The following ITGB2 variants were observed in gnomAD, a reference collection of about 807,000 sequenced individuals.
ITGB2 encodes the protein integrin subunit beta 2.
ITGB2 carries 56 observed loss-of-function variants against 86.8 expected under a neutral mutation model. The ratio of observed to expected loss-of-function variants is 0.65; its 90% CI spans 0.52 to 0.81. The LOEUF is 0.81. Ranked by LOEUF, ITGB2 falls within the 30% of genes least tolerant of loss-of-function variation. ITGB2 has a pLI of 0.00. For synonymous variants in ITGB2, 457 were observed against 450.4 expected (o/e 1.01, Z -0.19); for missense variants, 948 against 1,061.2 (o/e 0.89, Z 1.48).
chr21:44,899,296 A>AGGCTGCCACGCAGGAGTGCAGGGCAGAG (rs2083913172), intron 7 of ITGB2, 134 bp from the exon 8 acceptor site: 4 of 718,624 alleles, frequency 5.6e-6, no homozygotes, highest in Non-Finnish European at 9.9e-6. Context: ...GGAGAGGCAG[A>AGGCTGCCACGCAGGAGTGCAGGGCAGAG]GGCTGCCACG....
In ITGB2 at chr21:44,890,173, G is replaced by C. The variant is rs766548458; in HGVS notation, c.1462C>G (p.Arg488Gly). The C allele has an allele frequency of 3.1e-6, 5 of 1,613,266 alleles. No homozygotes were observed. Among genetic ancestry groups the C allele is most frequent in the East Asian group, 2.2e-5 (1 of 44,862 alleles). Residue 488 changes from arginine (R) to glycine (G), a missense_variant, in exon 12 of 16, where the codon CGG becomes GGG. Physicochemically the swap from Arg to Gly is moderately radical, Grantham distance 125. Coordinates refer to ENST00000652462, the MANE Select transcript of ITGB2 (RefSeq NM_000211.5). ...GKNCECQTQG[R>G]SSQELEGSCR... Reference sequence around the variant, plus strand: ...CTTCCTTCCAGCTCCTGGCTGCTCCGGCCCTGTGTCTGGCACTCACAGTTT... The same window carrying C: ...CTTCCTTCCAGCTCCTGGCTGCTCCCGCCCTGTGTCTGGCACTCACAGTTT...
chr21:44,927,477 C>T (rs769282152), intron 1 of ITGB2: 5 of 152,220 alleles, frequency 3.3e-5, no homozygotes, highest in Admixed American at 2.0e-4. Context: ...ACCCGGGAAC[C>T]GCTGCTCCCT....
chr21:44,900,549 G>A (rs1164538769), intron 6 of ITGB2, 74 bp from the exon 7 acceptor site: 33 of 1,576,484 alleles, frequency 2.1e-5, no homozygotes, highest in East Asian at 6.8e-5. Context: ...CAGAGGAGAC[G>A]ATGCAGAGCT....
chr21:44,926,227 G>C (rs2084371945), intron 1 of ITGB2, among the ~76,000 whole-genome samples: 1 of 152,172 alleles, frequency 6.6e-6, no homozygotes, highest in Admixed American at 6.5e-5. Flanking sequence ...TGCTATGGGG[G>C]GACCCAGACC....
At position 44,901,473 on chromosome 21, in the gene ITGB2, G is replaced by A. The variant is rs73374602; in HGVS notation, c.741+19C>T. 1.1e-3 allele frequency: 1,755 copies of A among 1,612,868 alleles called. 20 individuals are homozygous for A. The African/African-American group carries it at 0.02, about 18-fold the overall frequency. On this transcript the variant is annotated intron_variant, in intron 6 of 15. Coordinates refer to ENST00000652462, the MANE Select transcript of ITGB2 (RefSeq NM_000211.5). Reference sequence around the variant, plus strand: ...ACACTGGGGGAACGTGGGGACCCAAGCAGGGGCAGCGGCCTCACCGGGCAG... The same window carrying A: ...ACACTGGGGGAACGTGGGGACCCAAACAGGGGCAGCGGCCTCACCGGGCAG...
chr21:44,906,351 C>T (rs937253947), intron 4 of ITGB2, among the ~76,000 whole-genome samples: 23 of 152,082 alleles, frequency 1.5e-4, no homozygotes, highest in Admixed American at 1.3e-3. Context: ...GAACCCCCGA[C>T]CTCAAGTGAT....
chr21:44,921,441 G>C (rs1341252563), upstream of ITGB2: 1 of 152,984 alleles, frequency 6.5e-6, no homozygotes, highest in African/African-American at 2.4e-5. Context: ...GTCACAGGAG[G>C]AAGGCTGCGG....
chr21:44,919,448 T>C (rs1351441710), intron 1 of ITGB2, among the ~76,000 whole-genome samples: 3 of 152,130 alleles, frequency 2.0e-5, no homozygotes, highest in East Asian at 1.9e-4. Context: ...CTTGGTAAAG[T>C]GCTGGCCCCC....
intron 1 of ITGB2, among the ~76,000 whole-genome samples, chr21:44,915,290 C>T (rs2084191897): frequency 6.6e-6 from 1 of 152,176 alleles, no homozygotes; most frequent in Non-Finnish European, 1.5e-5. Context: ...TCCCAAAGTG[C>T]TGGGATTACA....
intron 14 of ITGB2, among the ~76,000 whole-genome samples, chr21:44,887,565 C>T (rs896166596): frequency 7.2e-5 from 11 of 151,998 alleles, no homozygotes; most frequent in African/African-American, 1.9e-4. Flanking sequence ...TGTGGTTGCT[C>T]CTGCCATCCT....
rs2235133 is a variant in ITGB2 at position 44,901,257 on chromosome 21, C to T, written c.741+235G>A. Among the ~76,000 whole-genome samples the T allele has an allele frequency of 0.62, 94,905 of 152,140 alleles. 31,321 individuals carry two copies. Among genetic ancestry groups the T allele is most frequent in the African/African-American group, 0.85 (35,318 of 41,538 alleles). On this transcript the variant is annotated intron_variant, in intron 6 of 15. Transcript: ENST00000652462. ...GGTTTGCCCAGGGTCACAAATTTAA[C>T]TCACAGCAAACAATGAAATCAGCGC...
intron 4 of ITGB2, among the ~76,000 whole-genome samples, chr21:44,903,920 A>G (rs1359744046): frequency 6.6e-6 from 1 of 152,052 alleles, no homozygotes; most frequent in East Asian, 1.9e-4. Flanking sequence ...AGCCACATAG[A>G]CAGGCATCAC....
In ITGB2 at chr21:44,888,900, G is replaced by A. The variant is rs368159523; in HGVS notation, c.1878-5C>T. Reference sequence around the variant, plus strand: ...TTCAGGCACTCGGCGCAGGAGCTGCGGGGAGCCAGGTGTGAGCATCGGTGC... The same window carrying A: ...TTCAGGCACTCGGCGCAGGAGCTGCAGGGAGCCAGGTGTGAGCATCGGTGC... On this transcript the variant is annotated splice_region_variant and splice_polypyrimidine_tract_variant and intron_variant, in intron 13 of 15. Transcript: ENST00000652462. 4.6e-5 allele frequency: 74 copies of A among 1,602,652 alleles called. No individual in the cohort carries two copies. Among genetic ancestry groups the A allele is most frequent in the Admixed American group, 2.0e-4 (12 of 60,004 alleles).
intron 11 of ITGB2, among the ~76,000 whole-genome samples, chr21:44,890,725 C>G (rs1055826391): frequency 6.6e-6 from 1 of 152,136 alleles, no homozygotes; most frequent in African/African-American, 2.4e-5. Context: ...AGGCAGGAGC[C>G]ACACACACCC....
At chr21:44,918,799 A>G (rs1396200544) in intron 1 of ITGB2, among the ~76,000 whole-genome samples, 1 of 152,210 alleles carries the variant, frequency 6.6e-6, no homozygotes, top group East Asian at 1.9e-4. Context: ...CTCCAGGCTC[A>G]GGAGTGTCCA....
At chr21:44,890,916 G>A (rs1397584793) in intron 11 of ITGB2, among the ~76,000 whole-genome samples, 1 of 151,888 alleles carries the variant, frequency 6.6e-6, no homozygotes. Context: ...CCAGGACAGT[G>A]GGCGGGGTGG....
At chr21:44,907,872 C>T (rs1446732393) in intron 3 of ITGB2, 30 of 591,386 alleles carry the variant, frequency 5.1e-5, no homozygotes, top group Non-Finnish European at 8.7e-5. Flanking sequence ...AGGGCTCTGA[C>T]TTTTGGAACC....
chr21:44,893,737 G>A, intron 9 of ITGB2, 193 bp from the exon 10 acceptor site: 2 of 675,688 alleles, frequency 3.0e-6, no homozygotes, highest in Non-Finnish European at 5.2e-6. Flanking sequence ...CTGCCCTCGA[G>A]ACAGCCTGAC....
Position 44,899,139 on chromosome 21 carries a change from C to T in ITGB2, c.921G>A (p.Leu307=), listed in dbSNP as rs2083910733. ...TGTTGTTTTCAGCCAGCTTGTGCGCCAGCTGGCCCACCGATGGGTAGTCCT... is the reference window on the plus strand; with the variant it reads ...TGTTGTTTTCAGCCAGCTTGTGCGCTAGCTGGCCCACCGATGGGTAGTCCT... ...NEFDYPSVGQ[L]AHKLAENNIQ... is the part of the protein sequence containing the mutation. Residue 307 remains leucine (L), a synonymous_variant, in exon 8 of 16, where the codon CTG becomes CTA. Coordinates refer to ENST00000652462, the MANE Select transcript of ITGB2 (RefSeq NM_000211.5). 1.2e-6 allele frequency: 2 copies of T among 1,614,070 alleles called. No individual in the cohort carries two copies. The highest frequency in any genetic ancestry group is 1.3e-5 in the African/African-American group (1 of 75,062).
Sources: gnomAD v4.1 joint callset for allele counts (sites outside exome capture counted in the v4.1 genomes callset) on GRCh38, gnomAD v4.1.1 for gene constraint, MANE v1.5 for transcripts, NCBI Gene and HGNC (gene_info 2026-07-23, HGNC 2026-07-21) for gene names.